TIFA: variants seen among roughly 807,000 people sequenced by gnomAD.
TIFA encodes TRAF-interacting protein with FHA domain-containing protein A.
For synonymous variants in TIFA, 75 were observed against 79.2 expected (o/e 0.95, Z 0.28); for missense variants, 186 against 215.2 (o/e 0.86, Z 0.85).
intron 1 of TIFA, among the ~76,000 whole-genome samples, chr4:112,281,486 T>C (rs551099673): frequency 3.7e-4 from 57 of 152,280 alleles, no homozygotes; most frequent in African/African-American, 1.2e-3. Flanking sequence ...TTGGGGCAGA[T>C]CAATTGTCTG....
rs1727147467 is a variant in TIFA at position 112,277,824 on chromosome 4, C to T, written c.*38G>A. The T allele has an allele frequency of 1.9e-6, 3 of 1,539,430 alleles. No homozygotes were observed. The highest frequency in any genetic ancestry group is 2.6e-6 in the Non-Finnish European group (3 of 1,145,570). ...GTGTCTATACAGCATCTACAGAGCT[C>T]TTCATCCATCATATTTCTCCTCTTA... On this transcript the variant is annotated 3_prime_UTR_variant, in exon 2 of 2. Coordinates refer to ENST00000361717, the MANE Select transcript of TIFA (RefSeq NM_052864.3).
rs1487879398 is a variant in TIFA at position 112,275,246 on chromosome 4, A to T, written c.*2616T>A. 8 of 152,230 alleles carry T rather than the reference A, an allele frequency of 5.3e-5. No homozygotes were observed. The highest frequency in any genetic ancestry group is 5.2e-4 in the Admixed American group (8 of 15,282). 9.4% of individuals were successfully genotyped at this position (152,230 alleles called of 1,614,324 possible). On this transcript the variant is annotated 3_prime_UTR_variant, in exon 2 of 2. Coordinates refer to ENST00000361717, the MANE Select transcript of TIFA (RefSeq NM_052864.3). ...AAGCTGACCCGTCCCTGGAACTGAA[A>T]TCAAGAGATCAGGTCTCTTTGGGGG...
rs1727137782 is a variant in TIFA at position 112,277,480 on chromosome 4, T to C, written c.*382A>G. 1 of 161,444 alleles carries C rather than the reference T, an allele frequency of 6.2e-6. No homozygotes were observed. Among genetic ancestry groups the C allele is most frequent in the African/African-American group, 2.4e-5 (1 of 41,492 alleles). 10.0% of individuals were successfully genotyped at this position (161,444 alleles called of 1,614,324 possible). On this transcript the variant is annotated 3_prime_UTR_variant, in exon 2 of 2. Transcript: ENST00000361717. ...AGCCTTGACCTTGAAAACAAATGGC[T>C]GTTGTGAACTGATGTGACCAAACCA... is the stretch of plus-strand genomic sequence containing the variant.
At position 112,276,278 on chromosome 4, in the gene TIFA, C is replaced by A. The variant is rs1165443850; in HGVS notation, c.*1584G>T. 6.5e-6 allele frequency: 1 copy of A among 153,332 alleles called. No homozygotes were observed. The highest frequency in any genetic ancestry group is 1.5e-5 in the Non-Finnish European group (1 of 68,080). The allele number at this position is 153,332 out of a possible 1,614,324, so 9.5% of individuals were successfully genotyped here. On this transcript the variant is annotated 3_prime_UTR_variant, in exon 2 of 2. Coordinates refer to ENST00000361717, the MANE Select transcript of TIFA (RefSeq NM_052864.3). The stretch of plus-strand genomic sequence containing the variant: ...CCACATTCCTTGGCTCATGACCTCC[C>A]CTTCCTCCCAGCAACAGCAAGTCAA...
chr4:112,284,220 A>G (rs527845337), intron 1 of TIFA, among the ~76,000 whole-genome samples: 1 of 152,200 alleles, frequency 6.6e-6, no homozygotes, highest in South Asian at 2.1e-4. Flanking sequence ...TGGGGAAAGA[A>G]GAATGGATAC....
In TIFA at chr4:112,277,220, G is replaced by A. The variant is rs1379691390; in HGVS notation, c.*642C>T. ...AAATAATCCTAAACTTAACACAGTGGTTCTTTAAAATGTTTAAATATTTGT... is the reference window on the plus strand; with the variant it reads ...AAATAATCCTAAACTTAACACAGTGATTCTTTAAAATGTTTAAATATTTGT... On this transcript the variant is annotated 3_prime_UTR_variant, in exon 2 of 2. Transcript: ENST00000361717. The A allele has an allele frequency of 4.6e-5, 7 of 152,264 alleles. No individual in the cohort carries two copies. The East Asian group carries it at 1.3e-3, about 29-fold the overall frequency. The allele number at this position is 152,264 out of a possible 1,614,324, so 9.4% of individuals were successfully genotyped here. A position where few individuals can be genotyped will look rare whatever the true frequency, so the allele number is the denominator to read the frequency against.
In TIFA at chr4:112,285,284, A is replaced by AG. The variant is rs565530319; in HGVS notation, c.-19+355dup. ...GGCCGTAGCAGTTGGCAAGCGGGGG[A>AG]GGGGGGTCACGCACAACTGCTCTGG... On this transcript the variant is annotated intron_variant, in intron 1 of 1. Transcript: ENST00000361717. Among the ~76,000 whole-genome samples, 708 of 151,290 alleles carry AG rather than the reference A, an allele frequency of 4.7e-3. 8 individuals are homozygous for AG. Among genetic ancestry groups the AG allele is most frequent in the African/African-American group, 0.016 (668 of 41,162 alleles).
chr4:112,284,133 A>T (rs1412482821), intron 1 of TIFA, among the ~76,000 whole-genome samples: 2 of 152,160 alleles, frequency 1.3e-5, no homozygotes, highest in Non-Finnish European at 2.9e-5. Flanking sequence ...GGACATCAGG[A>T]TGTATACACT....
chr4:112,281,398 T>TC (rs1727225239), intron 1 of TIFA, among the ~76,000 whole-genome samples: 1 of 152,182 alleles, frequency 6.6e-6, no homozygotes, highest in South Asian at 2.1e-4. Context: ...TTATACTCAG[T>TC]CCCCAGGACA....
chr4:112,279,816 AC>A (rs1727190711), intron 1 of TIFA, among the ~76,000 whole-genome samples: 1 of 151,788 alleles, frequency 6.6e-6, no homozygotes, highest in African/African-American at 2.4e-5. Flanking sequence ...ACAGAAACGC[AC>A]CACCACACCC....
rs1727130585 is a variant in TIFA, at chr4:112,277,109, G to A, written c.*753C>T. ...GCTAATTAAACTTTGATTTTATTAT[G>A]TACATGGATACTATTAAAAAGGTGA... is the stretch of plus-strand genomic sequence containing the variant. On this transcript the variant is annotated 3_prime_UTR_variant, in exon 2 of 2. Transcript: ENST00000361717. 6.6e-6 allele frequency: 1 copy of A among 152,082 alleles called. No individual in the cohort carries two copies. Among genetic ancestry groups the A allele is most frequent in the Admixed American group, 6.5e-5 (1 of 15,282 alleles). The allele number at this position is 152,082 out of a possible 1,614,324, so 9.4% of individuals were successfully genotyped here.
intron 1 of TIFA, among the ~76,000 whole-genome samples, chr4:112,284,699 T>C (rs183975640): frequency 6.6e-6 from 1 of 151,202 alleles, no homozygotes; most frequent in Non-Finnish European, 1.5e-5. Context: ...CTTTTCTCCC[T>C]AACGAATACC....
Position 112,276,135 on chromosome 4 carries a change from CAT to C in TIFA, c.*1725_*1726del, listed in dbSNP as rs1397865917. 6.6e-6 allele frequency: 1 copy of C among 152,360 alleles called. No homozygotes were observed. Among genetic ancestry groups the C allele is most frequent in the Non-Finnish European group, 1.5e-5 (1 of 68,022 alleles). The allele number at this position is 152,360 out of a possible 1,614,324, so 9.4% of individuals were successfully genotyped here. A position where few individuals can be genotyped will look rare whatever the true frequency, so the allele number is the denominator to read the frequency against. On this transcript the variant is annotated 3_prime_UTR_variant, in exon 2 of 2. Coordinates refer to ENST00000361717, the MANE Select transcript of TIFA (RefSeq NM_052864.3). Reference sequence around the variant, plus strand: ...AAGTTTTGTAGGTTAACAAGTCAAACATATTCTCACTGGACCAAAATCAAGGT... The same window carrying C: ...AAGTTTTGTAGGTTAACAAGTCAAACATTCTCACTGGACCAAAATCAAGGT...
intron 1 of TIFA, among the ~76,000 whole-genome samples, chr4:112,283,125 G>T (rs1465735741): frequency 6.6e-6 from 1 of 152,178 alleles, no homozygotes; most frequent in Non-Finnish European, 1.5e-5. Flanking sequence ...TCAGAGACAG[G>T]ACTCAAACTC....
At chr4:112,285,283 G>A (rs910918596) in intron 1 of TIFA, among the ~76,000 whole-genome samples, 1 of 151,786 alleles carries the variant, frequency 6.6e-6, no homozygotes, top group Non-Finnish European at 1.5e-5. Flanking sequence ...GCAAGCGGGG[G>A]AGGGGGGTCA....
chr4:112,277,958 G>C lies in TIFA; in HGVS notation c.459C>G (p.Asn153Lys), dbSNP rs1727151539. 1 of 1,613,926 alleles carries C rather than the reference G, an allele frequency of 6.2e-7. No homozygotes were observed. The highest frequency in any genetic ancestry group is 1.3e-5 in the African/African-American group (1 of 74,904). Reference protein sequence around the residue: ...LSPRSLLQENNWPPHRPIPEY... With the variant: ...LSPRSLLQENKWPPHRPIPEY... ...CCGGTATGGGCCTGTGTGGTGGCCA[G>C]TTGTTTTCTTGCAAGAGTGATCTTG... The change falls in exon 2 of 2, where the codon AAC becomes AAG. Residue 153 changes from asparagine (N) to lysine (K), a missense_variant. Transcript: ENST00000361717.
chr4:112,279,521 T>C (rs1727183509), intron 1 of TIFA, among the ~76,000 whole-genome samples: 1 of 152,206 alleles, frequency 6.6e-6, no homozygotes, highest in South Asian at 2.1e-4. Flanking sequence ...GCTACTTTTA[T>C]CCTTAGAGAA....
Position 112,274,919 on chromosome 4 carries a change from A to G in TIFA, c.*2943T>C, listed in dbSNP as rs1453591029. 1 of 152,156 alleles carries G rather than the reference A, an allele frequency of 6.6e-6. No homozygotes were observed. Among genetic ancestry groups the G allele is most frequent in the African/African-American group, 2.4e-5 (1 of 41,436 alleles). 9.4% of individuals were successfully genotyped at this position (152,156 alleles called of 1,614,324 possible). On this transcript the variant is annotated 3_prime_UTR_variant, in exon 2 of 2. Coordinates refer to ENST00000361717, the MANE Select transcript of TIFA (RefSeq NM_052864.3). ...TAACCACTGGAGTTGCAGGTTCAAG[A>G]AGAGACTGCCAAGGATTCTAACACT...
In TIFA at chr4:112,277,814, C is replaced by T. The variant is rs1030924120; in HGVS notation, c.*48G>A. On this transcript the variant is annotated 3_prime_UTR_variant, in exon 2 of 2. Transcript: ENST00000361717. ...CTCTTATTTAGTGTCTATACAGCAT[C>T]TACAGAGCTCTTCATCCATCATATT... The T allele has an allele frequency of 5.9e-6, 9 of 1,517,460 alleles. No individual in the cohort carries two copies. Among genetic ancestry groups the T allele is most frequent in the Admixed American group, 4.3e-5 (2 of 46,768 alleles). The allele number at this position is 1,517,460 out of a possible 1,614,324, so 94.0% of individuals were successfully genotyped here.
Sources: allele counts gnomAD v4.1 joint callset (sites outside exome capture counted in the v4.1 genomes callset), GRCh38; gene constraint gnomAD v4.1.1; transcripts MANE v1.5; gene names NCBI Gene and HGNC (gene_info 2026-07-23, HGNC 2026-07-21).